CD8B2: variants seen among roughly 807,000 people sequenced by gnomAD.
CD8B2 encodes CD8B family member 2.
A neutral mutation model predicts 23.7 loss-of-function variants in CD8B2; 11 were observed. The ratio of observed to expected loss-of-function variants is 0.46; its 90% CI spans 0.29 to 0.77. The LOEUF (loss-of-function observed/expected upper bound fraction) is 0.77, where lower values mean the gene tolerates loss of function less well. Ranked by LOEUF, CD8B2 falls within the 30% of genes least tolerant of loss-of-function variation. The probability of loss-of-function intolerance (pLI) is 0.09; values close to 1 mark genes in which losing one functional copy is unlikely to be tolerated. For synonymous variants in CD8B2, 90 were observed against 109.3 expected, an observed-to-expected ratio of 0.82 and a Z score of 1.10; for missense variants, 197 against 270.5, an observed-to-expected ratio of 0.73 and a Z score of 1.91.
downstream of CD8B2, among the ~76,000 whole-genome samples, chr2:106,512,189 C>T (rs1361290733): frequency 6.6e-6 from 1 of 152,064 alleles, no homozygotes; most frequent in Non-Finnish European, 1.5e-5. Flanking sequence ...GATCCTTGCA[C>T]CTCAGCCTCC....
intron 3 of CD8B2, among the ~76,000 whole-genome samples, chr2:106,496,869 A>G (rs1679310469): frequency 1.3e-5 from 2 of 152,158 alleles, no homozygotes; most frequent in Admixed American, 1.3e-4. Flanking sequence ...CCATGAATAC[A>G]CTAAAAACCA....
At position 106,509,600 on chromosome 2, in the gene CD8B2, C is replaced by T. The variant is rs1206054547; in HGVS notation, c.*2660C>T. 4 of 151,870 alleles carry T rather than the reference C, an allele frequency of 2.6e-5. 1 individual carries two copies. The highest frequency in any genetic ancestry group is 4.4e-5 in the Non-Finnish European group (3 of 67,978). The allele number at this position is 151,870 out of a possible 1,614,324, so 9.4% of individuals were successfully genotyped here. ...GCAGGGGTGGTTTGTGCTCCTCCGT[C>T]AGTTTTCTGTGCAGCAGGCACCTGC... On this transcript the variant is annotated 3_prime_UTR_variant, in exon 6 of 6. Coordinates refer to ENST00000643224, the MANE Select transcript of CD8B2 (RefSeq NM_001349727.2).
Position 106,527,396 on chromosome 2 carries a change from A to G in CD8B2, c.621-16596A>G, listed in dbSNP as rs558008732. Reference sequence around the variant, plus strand: ...GTTCCTGTTTTCCCATCCTTTCCAGATTGATTTTTTCTGAAGAATGCCTTT... The same window carrying G: ...GTTCCTGTTTTCCCATCCTTTCCAGGTTGATTTTTTCTGAAGAATGCCTTT... On this transcript the variant is annotated intron_variant, in intron 5 of 5. Transcript: ENST00000416057. Among the ~76,000 whole-genome samples, 54 of 152,272 alleles carry G rather than the reference A, an allele frequency of 3.5e-4. 1 individual carries two copies. Among genetic ancestry groups the G allele is most frequent in the African/African-American group, 1.2e-3 (50 of 41,550 alleles).
chr2:106,541,944 T>G lies in CD8B2; in HGVS notation c.621-2048T>G, dbSNP rs148089798. ...CTCTGCCAGCCATCCCATTGCAGTGTAAGCTAGAGGTCAAGGCTGTTCACT... is the reference window on the plus strand; with the variant it reads ...CTCTGCCAGCCATCCCATTGCAGTGGAAGCTAGAGGTCAAGGCTGTTCACT... On this transcript the variant is annotated intron_variant, in intron 5 of 5. Coordinates refer to the CD8B2 transcript ENST00000416057. Among the ~76,000 whole-genome samples the G allele has an allele frequency of 6.9e-3, 1,056 of 152,320 alleles. 8 individuals carry two copies. Among genetic ancestry groups the G allele is most frequent in the South Asian group, 0.027 (129 of 4,830 alleles).
chr2:106,509,668 C>T lies in CD8B2; in HGVS notation c.*2728C>T, dbSNP rs958600092. The T allele has an allele frequency of 4.6e-5, 7 of 151,802 alleles. No individual in the cohort carries two copies. Among genetic ancestry groups the T allele is most frequent in the African/African-American group, 1.7e-4 (7 of 41,250 alleles). 9.4% of individuals were successfully genotyped at this position (151,802 alleles called of 1,614,324 possible). A position where few individuals can be genotyped will look rare whatever the true frequency, so the allele number is the denominator to read the frequency against. On this transcript the variant is annotated 3_prime_UTR_variant, in exon 6 of 6. Coordinates refer to ENST00000643224, the MANE Select transcript of CD8B2 (RefSeq NM_001349727.2). ...CGGCCACCCAGGGAGCTGGAGCAGG[C>T]TGGGCTGCCAATGGTGGGGGCTGCA...
intron 3 of CD8B2, among the ~76,000 whole-genome samples, chr2:106,498,595 A>G (rs1558876640): frequency 6.6e-6 from 1 of 152,046 alleles, no homozygotes; most frequent in Non-Finnish European, 1.5e-5. Flanking sequence ...AAGTAGGTGG[A>G]GGTTACACTG....
chr2:106,538,285 A>G (rs79343751), intron 5 of CD8B2, among the ~76,000 whole-genome samples: 6,409 of 152,296 alleles, frequency 0.042, 129 homozygotes, highest in Non-Finnish European at 0.048. Flanking sequence ...TAGGCTGTGA[A>G]GGGGAATTTT....
chr2:106,487,851 G>A (rs190847961), intron 1 of CD8B2, among the ~76,000 whole-genome samples: 58 of 152,226 alleles, frequency 3.8e-4, no homozygotes, highest in Middle Eastern at 3.4e-3. Flanking sequence ...TGGCCAGGCC[G>A]TGGGTCCTGT....
intron 3 of CD8B2, among the ~76,000 whole-genome samples, chr2:106,496,965 G>A (rs1403283800): frequency 6.6e-6 from 1 of 152,166 alleles, no homozygotes; most frequent in East Asian, 1.9e-4. Flanking sequence ...CCACTCAAAG[G>A]ACCAGCACTT....
intron 1 of CD8B2, among the ~76,000 whole-genome samples, chr2:106,487,798 G>T (rs545155142): frequency 6.6e-6 from 1 of 152,224 alleles, no homozygotes; most frequent in African/African-American, 2.4e-5. Flanking sequence ...GAAGGAAACA[G>T]GTCCCTGCCC....
rs1168396658 is a variant in CD8B2, at chr2:106,502,537, C to T, written c.557C>T (p.Ser186Phe). 1.9e-6 allele frequency: 3 copies of T among 1,580,520 alleles called. No homozygotes were observed. Among genetic ancestry groups the T allele is most frequent in the African/African-American group, 1.3e-5 (1 of 74,080 alleles). ...GCTGGCGTCCTGGTTCTGCTGGTTT[C>T]CCTGGGAGTGGCCATGCACCTGTGC... ...LVAGVLVLLV[S>F]LGVAMHLCCR... Residue 186 changes from serine (S) to phenylalanine (F), a missense_variant, in exon 4 of 6, where the codon TCC becomes TTC. Around this residue, in one of 3 missense-constraint regions of CD8B2, gnomAD observed 35 missense variants for 82.9 expected, o/e 0.42. Transcript: ENST00000643224.
intron 5 of CD8B2, among the ~76,000 whole-genome samples, chr2:106,539,002 C>T (rs1230925671): frequency 3.3e-5 from 5 of 152,202 alleles, no homozygotes; most frequent in East Asian, 3.8e-4. Context: ...ACTTCAGAGC[C>T]GGGTTCTTGC....
At position 106,509,883 on chromosome 2, in the gene CD8B2, G is replaced by A. The variant is rs1035995607; in HGVS notation, c.*2943G>A. On this transcript the variant is annotated 3_prime_UTR_variant, in exon 6 of 6. Transcript: ENST00000643224. The stretch of plus-strand genomic sequence containing the variant: ...AAAAGTGGCATGCACAAAGAAATAC[G>A]CATCAGATTGTTCCTTCTAGTGCTG... The A allele has an allele frequency of 4.6e-5, 7 of 152,158 alleles. No individual in the cohort carries two copies. The highest frequency in any genetic ancestry group is 1.7e-4 in the African/African-American group (7 of 41,434). 9.4% of individuals were successfully genotyped at this position (152,158 alleles called of 1,614,324 possible). A position where few individuals can be genotyped will look rare whatever the true frequency, so the allele number is the denominator to read the frequency against.
intron 1 of CD8B2, among the ~76,000 whole-genome samples, chr2:106,488,263 C>G (rs1203870625): frequency 5.3e-5 from 8 of 151,010 alleles, no homozygotes; most frequent in Non-Finnish European, 1.0e-4. Context: ...GAGCCCAGGC[C>G]GTTCAGAGCA....
Position 106,504,306 on chromosome 2 carries a change from C to T in CD8B2, c.601C>T (p.Arg201Trp), listed in dbSNP as rs560380924. The change falls in exon 5 of 6, where the codon CGG (arginine) becomes TGG (tryptophan). Residue 201 changes from arginine to tryptophan, a missense_variant. Coordinates refer to ENST00000643224, the MANE Select transcript of CD8B2 (RefSeq NM_001349727.2). ...MHLCCRRRRA[R>W]LRFMKQFYK Reference sequence around the variant, plus strand: ...TCTTCCAGGCCGGCGGAGGAGAGCCCGGCTTCGTTTCATGAAACAGTAAGT... The same window carrying T: ...TCTTCCAGGCCGGCGGAGGAGAGCCTGGCTTCGTTTCATGAAACAGTAAGT... 2.4e-5 allele frequency: 38 copies of T among 1,554,472 alleles called. No individual in the cohort carries two copies. Among genetic ancestry groups the T allele is most frequent in the African/African-American group, 1.9e-4 (14 of 73,182 alleles).
chr2:106,532,889 T>C (rs1402237524), intron 5 of CD8B2, among the ~76,000 whole-genome samples: 2 of 152,222 alleles, frequency 1.3e-5, no homozygotes, highest in Non-Finnish European at 1.5e-5. Flanking sequence ...TTTGAATGTC[T>C]AACCTCCTGG....
intron 5 of CD8B2, among the ~76,000 whole-genome samples, chr2:106,520,609 A>C (rs1208575463): frequency 6.6e-6 from 1 of 152,182 alleles, no homozygotes; most frequent in Non-Finnish European, 1.5e-5. Context: ...GTAGAGGATT[A>C]GGCCGGGCAT....
downstream of CD8B2, among the ~76,000 whole-genome samples, chr2:106,511,564 C>T (rs1218612144): frequency 2.0e-5 from 3 of 151,738 alleles, no homozygotes; most frequent in Non-Finnish European, 4.4e-5. Context: ...TACTCATCCT[C>T]ACCCCCGCCC....
intron 2 of CD8B2, among the ~76,000 whole-genome samples, chr2:106,495,276 A>G (rs1679277614): frequency 6.6e-6 from 1 of 152,040 alleles, no homozygotes; most frequent in South Asian, 2.1e-4. Context: ...TCGTACCTGT[A>G]ATACTAGCAC....
Sources: allele counts gnomAD v4.1 joint callset (sites outside exome capture counted in the v4.1 genomes callset), GRCh38; gene constraint gnomAD v4.1.1; regional missense constraint gnomAD v4.1.1; transcripts MANE v1.5; gene names NCBI Gene and HGNC (gene_info 2026-07-23, HGNC 2026-07-21).